Variants in TMTC4 observed in about 807,000 individuals in gnomAD.
The protein encoded by TMTC4 is protein O-mannosyl-transferase TMTC4.
In TMTC4, 65 loss-of-function variants were observed where a neutral mutation model predicts 86.0. The observed-to-expected ratio is 0.76, with a 90% CI of 0.62 to 0.93. The LOEUF (loss-of-function observed/expected upper bound fraction) is 0.93, where lower values mean the gene tolerates loss of function less well. Among genes scored for constraint, TMTC4 ranks in the 40% least tolerant of loss-of-function variants. TMTC4 has a pLI of 0.00. For missense variants in TMTC4, 866 were observed against 948.1 expected, an observed-to-expected ratio of 0.91 and a Z score of 1.14; for synonymous variants, 379 against 382.5, an observed-to-expected ratio of 0.99 and a Z score of 0.11.
At chr13:100,630,712 C>T (rs926543417) in intron 12 of TMTC4, among the ~76,000 whole-genome samples, 10 of 152,186 alleles carry the variant, frequency 6.6e-5, no homozygotes, top group Non-Finnish European at 1.2e-4. Context: ...GCCCCAAGCT[C>T]CTGCTGTTTT....
chr13:100,656,541 A>AATTTTTTTTTT, intron 5 of TMTC4, 73 bp from the exon 6 acceptor site: 3 of 462,942 alleles, frequency 6.5e-6, no homozygotes, highest in Non-Finnish European at 6.6e-6. Context: ...AGGAGACATA[A>AATTTTTTTTTT]CTTTTTTTTT....
chr13:100,648,791 G>A (rs576774259), intron 6 of TMTC4, among the ~76,000 whole-genome samples: 3 of 152,130 alleles, frequency 2.0e-5, no homozygotes, highest in Non-Finnish European at 4.4e-5. Flanking sequence ...GCAATCCTCC[G>A]GCCTCAGCCT....
intron 12 of TMTC4, among the ~76,000 whole-genome samples, chr13:100,627,025 G>A (rs570573529): frequency 1.4e-4 from 21 of 152,268 alleles, no homozygotes; most frequent in East Asian, 5.8e-4. Context: ...GAAGACGACC[G>A]TCTGTGAACC....
intron 12 of TMTC4, among the ~76,000 whole-genome samples, chr13:100,634,400 G>A (rs1337857393): frequency 6.6e-6 from 1 of 152,116 alleles, no homozygotes; most frequent in Non-Finnish European, 1.5e-5. Flanking sequence ...CAGCTTGGAG[G>A]AGGCTAGTTA....
intron 6 of TMTC4, 109 bp from the exon 7 acceptor site, chr13:100,642,420 A>G (rs1286826477): frequency 2.4e-6 from 3 of 1,275,736 alleles, no homozygotes; most frequent in African/African-American, 3.0e-5. Flanking sequence ...ATAACTTAAA[A>G]ACAGGGTTTG....
At chr13:100,618,266 T>A (rs1432838387) in intron 15 of TMTC4, among the ~76,000 whole-genome samples, 1 of 152,170 alleles carries the variant, frequency 6.6e-6, no homozygotes, top group African/African-American at 2.4e-5. Context: ...AGGTGTCGAA[T>A]CACACCGTCC....
At chr13:100,666,861 A>G (rs1886454901) in intron 3 of TMTC4, among the ~76,000 whole-genome samples, 1 of 152,156 alleles carries the variant, frequency 6.6e-6, no homozygotes, top group African/African-American at 2.4e-5. Flanking sequence ...GTGGTGGCGC[A>G]TGACTGTAAT....
At position 100,634,491 on chromosome 13, in the gene TMTC4, C is replaced by A. The variant is rs541565909; in HGVS notation, c.1506+314G>T. Among the ~76,000 whole-genome samples the A allele has an allele frequency of 3.3e-5, 5 of 152,122 alleles. No individual in the cohort carries two copies. The South Asian group carries it at 8.3e-4, about 25-fold the overall frequency. ...GCCGTGCCCACCCTCAGTCTGAATA[C>A]GCAATGTCACCTCCCCTGAAGCTAC... is the stretch of plus-strand genomic sequence containing the variant. On this transcript the variant is annotated intron_variant, in intron 12 of 18. Transcript: ENST00000342624.
chr13:100,616,442 C>T (rs891609249), intron 15 of TMTC4, among the ~76,000 whole-genome samples: 1 of 152,170 alleles, frequency 6.6e-6, no homozygotes, highest in Admixed American at 6.5e-5. Context: ...ACCTCGTAAT[C>T]CACCTGCCTC....
chr13:100,634,280 T>C (rs1881876170), intron 12 of TMTC4, among the ~76,000 whole-genome samples: 1 of 152,144 alleles, frequency 6.6e-6, no homozygotes, highest in African/African-American at 2.4e-5. Flanking sequence ...AAAAAATCAC[T>C]AGCAGGGCAC....
rs1044804906 is a variant in TMTC4 at position 100,619,740 on chromosome 13, G to C, written c.1837-5310C>G. Among the ~76,000 whole-genome samples the C allele has an allele frequency of 2.6e-5, 4 of 152,184 alleles. No individual in the cohort carries two copies. The South Asian group carries it at 6.2e-4, about 24-fold the overall frequency. ...CTTTAATGAGGAAATGATAGGAAAA[G>C]TTCAGAAAATGAAAATAATGCGATG... On this transcript the variant is annotated intron_variant, in intron 15 of 18. Transcript: ENST00000342624.
chr13:100,656,542 C>CTTTTTTTTTTTTTTTTTTTTTTTTT lies in TMTC4; in HGVS notation c.553-75_553-74insAAAAAAAAAAAAAAAAAAAAAAAAA, dbSNP rs35563246. ...GAAATCCTAAACTTAGGAGACATAA[C>CTTTTTTTTTTTTTTTTTTTTTTTTT]TTTTTTTTTTTTTTTTTTGCGACAG... On this transcript the variant is annotated intron_variant, in intron 5 of 18. Coordinates refer to ENST00000342624, the MANE Select transcript of TMTC4 (RefSeq NM_032813.5). 6.5e-5 allele frequency: 25 copies of CTTTTTTTTTTTTTTTTTTTTTTTTT among 385,936 alleles called. 3 individuals carry two copies. The highest frequency in any genetic ancestry group is 6.9e-4 in the Middle Eastern group (1 of 1,442). 23.9% of individuals were successfully genotyped at this position (385,936 alleles called of 1,614,324 possible). A position where few individuals can be genotyped will look rare whatever the true frequency, so the allele number is the denominator to read the frequency against.
chr13:100,660,255 T>G (rs1285535844), intron 5 of TMTC4, among the ~76,000 whole-genome samples: 1 of 147,404 alleles, frequency 6.8e-6, no homozygotes. Context: ...CACTTGAACC[T>G]GGGAGGTGGG....
At chr13:100,631,487 G>C (rs1881348268) in intron 12 of TMTC4, among the ~76,000 whole-genome samples, 1 of 152,180 alleles carries the variant, frequency 6.6e-6, no homozygotes, top group South Asian at 2.1e-4. Context: ...AACTAAAAAT[G>C]ATTATAAGTA....
intron 9 of TMTC4, among the ~76,000 whole-genome samples, chr13:100,637,295 C>A (rs1355062283): frequency 6.6e-6 from 1 of 152,108 alleles, no homozygotes; most frequent in East Asian, 1.9e-4. Flanking sequence ...TGAGAAGGAA[C>A]CACCCTCTTT....
intron 6 of TMTC4, among the ~76,000 whole-genome samples, chr13:100,648,560 T>C (rs1055240586): frequency 9.2e-5 from 14 of 152,252 alleles, no homozygotes; most frequent in Non-Finnish European, 1.8e-4. Flanking sequence ...TGACATAATG[T>C]GCACATTGCT....
chr13:100,628,267 G>A (rs1880843477), intron 12 of TMTC4, among the ~76,000 whole-genome samples: 2 of 152,106 alleles, frequency 1.3e-5, no homozygotes, highest in African/African-American at 2.4e-5. Context: ...TGACTCCCAC[G>A]TGCCTCATGT....
rs201221109 is a variant in TMTC4 at position 100,605,070 on chromosome 13, G to A, written c.2207C>T (p.Pro736Leu). Reference protein sequence around the residue: ...KHYEISLQLDPTASGTKENYG... With the variant: ...KHYEISLQLDLTASGTKENYG... ...ATTCTCCTTAGTTCCTGATGCCGTG[G>A]GGTCAAGCTGCAAGGAGATTTCATA... The change falls in exon 19 of 19, where the codon CCC becomes CTC. Residue 736 changes from proline to leucine, a missense_variant. By Grantham distance (98) the Pro-to-Leu change is moderately conservative. Transcript: ENST00000342624. The surrounding 1 kb of genome is among the most constrained non-coding windows in gnomAD (Gnocchi z 4.3). 1 of 1,614,008 alleles carries A rather than the reference G, an allele frequency of 6.2e-7. No homozygotes were observed. The highest frequency in any genetic ancestry group is 1.1e-5 in the South Asian group (1 of 91,070).
chr13:100,627,749 G>A (rs1181703984), intron 12 of TMTC4, among the ~76,000 whole-genome samples: 1 of 152,170 alleles, frequency 6.6e-6, no homozygotes, highest in African/African-American at 2.4e-5. Context: ...GCTTTTGGGA[G>A]GCACAATTAA....
Sources: gnomAD v4.1 joint callset for allele counts (sites outside exome capture counted in the v4.1 genomes callset) on GRCh38, gnomAD v4.1.1 for gene constraint, Gnocchi (gnomAD v3.1) non-coding constraint, MANE v1.5 for transcripts, NCBI Gene and HGNC (gene_info 2026-07-23, HGNC 2026-07-21) for gene names.